The following TRPC4 variants were observed in gnomAD, a reference collection of about 807,000 sequenced individuals.
TRPC4 encodes the protein short transient receptor potential channel 4.
TRPC4 carries 49 observed loss-of-function variants against 99.4 expected under a neutral mutation model. The observed-to-expected ratio is 0.49, with a 90% CI of 0.39 to 0.63. The LOEUF is 0.63. Ranked by LOEUF, TRPC4 falls within the 20% of genes least tolerant of loss-of-function variation. TRPC4 has a pLI of 0.00. For synonymous variants in TRPC4, 454 were observed against 425.9 expected (o/e 1.07, Z -0.81); for missense variants, 898 against 1,152.9 (o/e 0.78, Z 3.20).
intron 5 of TRPC4, among the ~76,000 whole-genome samples, chr13:37,670,641 A>G (rs539446222): frequency 6.8e-4 from 103 of 152,308 alleles, no homozygotes; most frequent in African/African-American, 2.5e-3. Flanking sequence ...ATCTTCTCCT[A>G]TGTTCACTGC....
intron 7 of TRPC4, 99 bp from the exon 8 acceptor site, chr13:37,651,558 G>T: frequency 9.4e-7 from 1 of 1,060,144 alleles, no homozygotes; most frequent in Non-Finnish European, 1.4e-6. Flanking sequence ...GCGGCTCTTG[G>T]AACATTAATT....
intron 2 of TRPC4, among the ~76,000 whole-genome samples, chr13:37,760,197 A>G (rs1956186857): frequency 6.6e-6 from 1 of 151,802 alleles, no homozygotes; most frequent in Non-Finnish European, 1.5e-5. Context: ...GATGTGCAAA[A>G]TCCTCTATAA....
At chr13:37,692,900 T>G (rs1284523654) in intron 3 of TRPC4, among the ~76,000 whole-genome samples, 1 of 152,158 alleles carries the variant, frequency 6.6e-6, no homozygotes, top group African/African-American at 2.4e-5. Context: ...GAAAAACAGA[T>G]GAAAGAAAGT....
chr13:37,772,167 C>A (rs1956567845), intron 2 of TRPC4, among the ~76,000 whole-genome samples: 1 of 151,716 alleles, frequency 6.6e-6, no homozygotes, highest in Non-Finnish European at 1.5e-5. Context: ...CTCTTCACTT[C>A]CCAAATCTTT....
chr13:37,670,757 A>G (rs1187528835), intron 5 of TRPC4, among the ~76,000 whole-genome samples: 1 of 152,184 alleles, frequency 6.6e-6, no homozygotes, highest in Non-Finnish European at 1.5e-5. Context: ...CAAGATGTGG[A>G]AAGTCCTTCT....
At chr13:37,703,564 A>G (rs1954171833) in intron 3 of TRPC4, among the ~76,000 whole-genome samples, 1 of 152,166 alleles carries the variant, frequency 6.6e-6, no homozygotes, top group South Asian at 2.1e-4. Flanking sequence ...ATGGCAAATA[A>G]ACACATGAAA....
At chr13:37,645,304 C>T (rs1224899511) in intron 8 of TRPC4, among the ~76,000 whole-genome samples, 1 of 152,080 alleles carries the variant, frequency 6.6e-6, no homozygotes, top group Non-Finnish European at 1.5e-5. Context: ...TCCGGAATTT[C>T]AATAGAAGTT....
At chr13:37,673,902 C>A (rs1404916454) in intron 5 of TRPC4, among the ~76,000 whole-genome samples, 2 of 152,068 alleles carry the variant, frequency 1.3e-5, no homozygotes, top group Non-Finnish European at 2.9e-5. Flanking sequence ...AAAATTTAAA[C>A]AGTGTTTGAA....
intron 1 of TRPC4, among the ~76,000 whole-genome samples, chr13:37,833,374 C>T (rs1958473674): frequency 6.6e-6 from 1 of 152,166 alleles, no homozygotes; most frequent in South Asian, 2.1e-4. Context: ...ATACGGCATT[C>T]ACCTGATTGA....
At chr13:37,824,725 T>C (rs1467964614) in intron 1 of TRPC4, among the ~76,000 whole-genome samples, 1 of 152,230 alleles carries the variant, frequency 6.6e-6, no homozygotes, top group Non-Finnish European at 1.5e-5. Context: ...GATATTGGTC[T>C]AAAATTCTCT....
At chr13:37,771,927 G>A (rs992996909) in intron 2 of TRPC4, among the ~76,000 whole-genome samples, 23 of 151,668 alleles carry the variant, frequency 1.5e-4, no homozygotes, top group African/African-American at 5.6e-4. Flanking sequence ...ATAGCATGGA[G>A]ACAATAGAGG....
chr13:37,679,776 AATG>A (rs763499426), intron 4 of TRPC4, among the ~76,000 whole-genome samples: 3 of 152,220 alleles, frequency 2.0e-5, no homozygotes, highest in Non-Finnish European at 2.9e-5. Context: ...TAATTGGGAA[AATG>A]ATAATAATAT....
intron 1 of TRPC4, among the ~76,000 whole-genome samples, chr13:37,795,754 T>C (rs193112524): frequency 6.6e-6 from 1 of 152,170 alleles, no homozygotes; most frequent in Non-Finnish European, 1.5e-5. Flanking sequence ...TTCAAAATTT[T>C]TGTTACTTCA....
chr13:37,658,254 C>T (rs746150375), intron 6 of TRPC4, among the ~76,000 whole-genome samples: 15 of 152,116 alleles, frequency 9.9e-5, no homozygotes, highest in Admixed American at 2.0e-4. Flanking sequence ...TAGTATAAAA[C>T]TTGGGTTGAA....
At chr13:37,687,916 T>C (rs1285549792) in intron 4 of TRPC4, among the ~76,000 whole-genome samples, 1 of 152,224 alleles carries the variant, frequency 6.6e-6, no homozygotes, top group African/African-American at 2.4e-5. Context: ...GAGAAGGATA[T>C]TGGTGTCCAT....
intron 1 of TRPC4, among the ~76,000 whole-genome samples, chr13:37,855,296 GATAT>G (rs139637183): frequency 7.1e-6 from 1 of 140,436 alleles, no homozygotes. Flanking sequence ...ATACAATGTA[GATAT>G]ATATATATAT....
At chr13:37,678,818 A>C (rs997498873) in intron 4 of TRPC4, among the ~76,000 whole-genome samples, 1 of 152,208 alleles carries the variant, frequency 6.6e-6, no homozygotes, top group Non-Finnish European at 1.5e-5. Context: ...ATAAATATGC[A>C]CAAAAATCCT....
chr13:37,758,701 T>A (rs1956154439), intron 2 of TRPC4, among the ~76,000 whole-genome samples: 1 of 151,852 alleles, frequency 6.6e-6, no homozygotes, highest in Non-Finnish European at 1.5e-5. Context: ...TACAAAAATC[T>A]ATACTTTTCT....
intron 1 of TRPC4, among the ~76,000 whole-genome samples, chr13:37,855,312 T>TATAC (rs1358907083): frequency 1.4e-5 from 2 of 146,344 alleles, no homozygotes; most frequent in African/African-American, 2.6e-5. Flanking sequence ...TATATATATA[T>TATAC]ACACATGTAG....
Sources: gnomAD v4.1 joint callset for allele counts (sites outside exome capture counted in the v4.1 genomes callset) on GRCh38, gnomAD v4.1.1 for gene constraint, MANE v1.5 for transcripts, NCBI Gene and HGNC (gene_info 2026-07-23, HGNC 2026-07-21) for gene names.